ADAMTS20: variants seen among roughly 807,000 people sequenced by gnomAD.
ADAMTS20 encodes ADAM metallopeptidase with thrombospondin type 1 motif 20.
In ADAMTS20, 225 loss-of-function variants were observed where a neutral mutation model predicts 260.1. The observed-to-expected ratio is 0.87, with a 90% confidence interval of 0.78 to 0.97. ADAMTS20 has a LOEUF of 0.97. ADAMTS20 is among the 50% of genes least tolerant of loss of function. ADAMTS20 has a pLI of 0.00. For missense variants in ADAMTS20, 2,400 were observed against 2,337.7 expected (o/e 1.03, Z -0.55); for synonymous variants, 802 against 769.5 (o/e 1.04, Z -0.70).
chr12:43,379,959 G>C (rs1940314016), intron 31 of ADAMTS20, among the ~76,000 whole-genome samples: 2 of 149,624 alleles, frequency 1.3e-5, no homozygotes, highest in Admixed American at 1.3e-4. Flanking sequence ...TATGAAGCCA[G>C]TTTTTCCCAA....
chr12:43,482,160 C>G (rs1049671441), intron 7 of ADAMTS20, among the ~76,000 whole-genome samples: 1 of 152,200 alleles, frequency 6.6e-6, no homozygotes, highest in East Asian at 1.9e-4. Flanking sequence ...CAACGAACCT[C>G]GCAAAAGTTG....
chr12:43,395,198 T>G (rs571662836), intron 29 of ADAMTS20, among the ~76,000 whole-genome samples: 1 of 152,218 alleles, frequency 6.6e-6, no homozygotes, highest in Admixed American at 6.5e-5. Context: ...CAGGAGGGCA[T>G]CCTCCCTGTC....
intron 28 of ADAMTS20, among the ~76,000 whole-genome samples, chr12:43,405,455 A>G (rs1940901562): frequency 7.7e-6 from 1 of 130,086 alleles, no homozygotes; most frequent in South Asian, 2.4e-4. Context: ...TAATAATAAT[A>G]ATAATAAATT....
chr12:43,485,653 T>C (rs749303897), intron 7 of ADAMTS20, among the ~76,000 whole-genome samples: 6 of 152,130 alleles, frequency 3.9e-5, no homozygotes, highest in Non-Finnish European at 7.4e-5. Flanking sequence ...GATTATATGA[T>C]TGTATACCTA....
chr12:43,358,694 A>G (rs7963422), intron 37 of ADAMTS20, among the ~76,000 whole-genome samples: 33,716 of 150,622 alleles, frequency 0.22, 4,465 homozygotes, highest in African/African-American at 0.37. Context: ...AAAATTAGCC[A>G]GGCATGGTGG....
intron 7 of ADAMTS20, among the ~76,000 whole-genome samples, chr12:43,472,472 G>A (rs1251527704): frequency 7.5e-6 from 1 of 133,676 alleles, no homozygotes; most frequent in African/African-American, 2.9e-5. Flanking sequence ...TTCAGATTCA[G>A]GAAATACAGA....
At chr12:43,536,809 G>A (rs1387581131) in intron 2 of ADAMTS20, among the ~76,000 whole-genome samples, 5 of 152,152 alleles carry the variant, frequency 3.3e-5, no homozygotes, top group African/African-American at 1.2e-4. Context: ...ACAGAAAAAA[G>A]CACTCCTCAC....
At chr12:43,416,020 C>T (rs75204126) in intron 28 of ADAMTS20, among the ~76,000 whole-genome samples, 3,692 of 152,264 alleles carry the variant, frequency 0.024, 72 homozygotes, top group East Asian at 0.078. Context: ...CCCATCACAG[C>T]TTTTCTCAAC....
chr12:43,359,646 G>GACA (rs1384874598), intron 37 of ADAMTS20, among the ~76,000 whole-genome samples: 1 of 152,068 alleles, frequency 6.6e-6, no homozygotes, highest in Non-Finnish European at 1.5e-5. Context: ...TGAAGACAGA[G>GACA]ACATGTAGAT....
intron 3 of ADAMTS20, among the ~76,000 whole-genome samples, chr12:43,520,063 T>C (rs1943050184): frequency 6.6e-6 from 1 of 152,192 alleles, no homozygotes; most frequent in African/African-American, 2.4e-5. Context: ...TTATATTTGC[T>C]AATACCTCAG....
rs768650149 is a variant in ADAMTS20 at position 43,532,115 on chromosome 12, A to T, written c.534T>A (p.Gly178=). Residue 178 remains glycine (G), a synonymous_variant, in exon 3 of 39, where the codon GGT becomes GGA. Transcript: ENST00000389420. The part of the protein sequence containing the change: ...MKADGNEYED[G]HNKPHLIYRQ... The stretch of plus-strand genomic sequence containing the variant: ...TGTATATAAGATGTGGCTTGTTGTG[A>T]CCATCTTCATATTCATTCCCATCTG... 2.5e-6 allele frequency: 4 copies of T among 1,612,442 alleles called. No individual in the cohort carries two copies. The highest frequency in any genetic ancestry group is 1.3e-5 in the African/African-American group (1 of 74,868).
In ADAMTS20 at chr12:43,386,132, GT is replaced by G. The variant is rs1404883178; in HGVS notation, c.4453-2156del. Among the ~76,000 whole-genome samples the G allele has an allele frequency of 1.2e-4, 18 of 152,124 alleles. No individual in the cohort carries two copies. In the East Asian group the frequency reaches 3.5e-3, roughly 30 times the overall value. ...CCTGGATTCATTGATTTTTTGAAGG[GT>G]TTTTCAGGTCTCTATCTCCTTTGGT... On this transcript the variant is annotated intron_variant, in intron 29 of 38. Transcript: ENST00000389420.
rs978051506 is a variant in ADAMTS20, at chr12:43,508,244, A to G, written c.614-5839T>C. On this transcript the variant is annotated intron_variant, in intron 3 of 38. Coordinates refer to ENST00000389420, the MANE Select transcript of ADAMTS20 (RefSeq NM_025003.5). ...GATCACAGAAAAAAAGTCTGCAATA[A>G]AAAAGCATAAATTTTTAAAGAATAT... Among the ~76,000 whole-genome samples, 3 of 152,190 alleles carry G rather than the reference A, an allele frequency of 2.0e-5. No individual in the cohort carries two copies. In the East Asian group the frequency reaches 5.8e-4, roughly 29 times the overall value.
Position 43,432,520 on chromosome 12 carries a change from C to G in ADAMTS20, c.2932-52G>C, listed in dbSNP as rs147109136. ...TAATGGAAAAAAATCAGATTTTCAA[C>G]AAAATTATACTTCAGAGTAACATAA... On this transcript the variant is annotated intron_variant, in intron 20 of 38. Transcript: ENST00000389420. 141 of 1,582,326 alleles carry G rather than the reference C, an allele frequency of 8.9e-5. 1 individual carries two copies. In the East Asian group the frequency reaches 3.2e-3, roughly 36 times the overall value.
intron 37 of ADAMTS20, among the ~76,000 whole-genome samples, chr12:43,368,969 G>A (rs1308894133): frequency 6.6e-6 from 1 of 152,162 alleles, no homozygotes; most frequent in Admixed American, 6.6e-5. Flanking sequence ...TCACATGCTT[G>A]TGATCCGTTC....
intron 11 of ADAMTS20, among the ~76,000 whole-genome samples, chr12:43,456,402 C>T (rs1336186583): frequency 6.6e-6 from 1 of 152,122 alleles, no homozygotes; most frequent in African/African-American, 2.4e-5. Flanking sequence ...CTGCCCTTAC[C>T]AGCTACTGCT....
rs12303830 is a variant in ADAMTS20 at position 43,522,212 on chromosome 12, G to C, written c.613+9824C>G. On this transcript the variant is annotated intron_variant, in intron 3 of 38. Coordinates refer to ENST00000389420, the MANE Select transcript of ADAMTS20 (RefSeq NM_025003.5). Reference sequence around the variant, plus strand: ...AGGCACGTTAATCACAAGGCGGCAGGAAGGAGAAGTGCAAACAGGAAATGC... The same window carrying C: ...AGGCACGTTAATCACAAGGCGGCAGCAAGGAGAAGTGCAAACAGGAAATGC... Among the ~76,000 whole-genome samples the C allele has an allele frequency of 9.8e-3, 1,255 of 128,278 alleles. 20 individuals carry two copies. Among genetic ancestry groups the C allele is most frequent in the African/African-American group, 0.032 (1,176 of 37,086 alleles). The allele number at this position is 128,278 out of a possible 152,430, so 84.2% of individuals were successfully genotyped here.
At chr12:43,505,994 T>G (rs1012752941) in intron 3 of ADAMTS20, among the ~76,000 whole-genome samples, 19 of 152,206 alleles carry the variant, frequency 1.2e-4, no homozygotes, top group Admixed American at 1.2e-3. Flanking sequence ...TGTGGTGGCA[T>G]GCACCTGTAG....
Position 43,425,541 on chromosome 12 carries a change from C to T in ADAMTS20, c.4257G>A (p.Val1419=). The change falls in exon 28 of 39, where the codon GTG becomes GTA. Residue 1419 remains valine (V), a synonymous_variant. Coordinates refer to ENST00000389420, the MANE Select transcript of ADAMTS20 (RefSeq NM_025003.5). The part of the protein sequence containing the change: ...QCHMHACPAD[V]SWHQEPWTSC... ...ATGTCCATGGTTCCTGATGCCATGA[C>T]ACATCAGCAGGGCAAGCATGCATAT... 6.4e-7 allele frequency: 1 copy of T among 1,568,142 alleles called. No individual in the cohort carries two copies. The highest frequency in any genetic ancestry group is 1.4e-5 in the African/African-American group (1 of 73,632).
Sources: gnomAD v4.1 joint callset for allele counts (sites outside exome capture counted in the v4.1 genomes callset) on GRCh38, gnomAD v4.1.1 for gene constraint, MANE v1.5 for transcripts, NCBI Gene and HGNC (gene_info 2026-07-23, HGNC 2026-07-21) for gene names.